The following EPHA3 variants were observed in gnomAD, a reference collection of about 807,000 sequenced individuals.
The protein encoded by EPHA3 is ephrin type-A receptor 3.
A neutral mutation model predicts 107.1 loss-of-function variants in EPHA3; 42 were observed. The ratio of observed to expected loss-of-function variants is 0.39; its 90% CI spans 0.31 to 0.51. The LOEUF is 0.51. Among genes scored for constraint, EPHA3 ranks in the 20% least tolerant of loss-of-function variants. The probability of loss-of-function intolerance (pLI) is 0.78; values close to 1 mark genes in which losing one functional copy is unlikely to be tolerated. For missense variants in EPHA3, 1,183 were observed against 1,211.2 expected, an observed-to-expected ratio of 0.98 and a Z score of 0.35; for synonymous variants, 461 against 424.8, an observed-to-expected ratio of 1.09 and a Z score of -1.05.
At chr3:89,153,488 C>G (rs1704731379) in intron 2 of EPHA3, among the ~76,000 whole-genome samples, 1 of 152,038 alleles carries the variant, frequency 6.6e-6, no homozygotes, top group South Asian at 2.1e-4. Context: ...TCTTCCTCAT[C>G]CATGGCCACT....
chr3:89,195,800 C>T (rs1235418265), intron 2 of EPHA3, among the ~76,000 whole-genome samples: 2 of 152,222 alleles, frequency 1.3e-5, no homozygotes, highest in East Asian at 3.9e-4. Flanking sequence ...TCTAGCCCAT[C>T]CTAAACACTC....
rs2107554905 is a variant in EPHA3, at chr3:89,450,210, C to G, written c.2530C>G (p.Pro844Ala). The G allele has an allele frequency of 6.2e-7, 1 of 1,608,386 alleles. No homozygotes were observed. Among genetic ancestry groups the G allele is most frequent in the Non-Finnish European group, 8.5e-7 (1 of 1,177,368 alleles). ...AGCTGTAGATGAGGGCTATCGACTG[C>G]CACCCCCCATGGACTGCCCAGCTGC... ...IKAVDEGYRL[P>A]PPMDCPAALY... is the part of the protein sequence containing the mutation. Residue 844 changes from proline (P) to alanine (A), a missense_variant, in exon 15 of 17, where the codon CCA becomes GCA. By Grantham distance (27) the Pro-to-Ala change is conservative. Coordinates refer to ENST00000336596, the MANE Select transcript of EPHA3 (RefSeq NM_005233.6).
chr3:89,233,142 T>C (rs1182276636), intron 3 of EPHA3, among the ~76,000 whole-genome samples: 2 of 152,140 alleles, frequency 1.3e-5, no homozygotes, highest in African/African-American at 4.8e-5. Flanking sequence ...GGAGAATAGC[T>C]TTTTGTCCAG....
intron 2 of EPHA3, among the ~76,000 whole-genome samples, chr3:89,157,494 A>G (rs1704832634): frequency 6.6e-6 from 1 of 151,988 alleles, no homozygotes; most frequent in South Asian, 2.1e-4. Flanking sequence ...AGGAGCATAG[A>G]ATATCATATT....
chr3:89,422,135 C>A (rs1231406378), intron 11 of EPHA3, among the ~76,000 whole-genome samples: 3 of 150,482 alleles, frequency 2.0e-5, no homozygotes, highest in African/African-American at 7.3e-5. Flanking sequence ...GTCTGGCACC[C>A]GGTAACATCT....
chr3:89,446,826 C>T (rs905838201), intron 13 of EPHA3, among the ~76,000 whole-genome samples: 6 of 151,804 alleles, frequency 4.0e-5, no homozygotes, highest in African/African-American at 7.2e-5. Flanking sequence ...TATACTTATA[C>T]GCTTTCAGTA....
intron 9 of EPHA3, among the ~76,000 whole-genome samples, chr3:89,408,661 C>T (rs1001249297): frequency 1.3e-5 from 2 of 152,010 alleles, no homozygotes; most frequent in Non-Finnish European, 2.9e-5. Context: ...TTAATTTACC[C>T]TTTTAATTTT....
intron 3 of EPHA3, among the ~76,000 whole-genome samples, chr3:89,240,994 T>C (rs1253323637): frequency 2.0e-5 from 3 of 152,132 alleles, no homozygotes; most frequent in African/African-American, 7.2e-5. Flanking sequence ...TTTTACTTTA[T>C]AAACGTATAA....
chr3:89,448,874 T>A (rs1454689936), intron 13 of EPHA3, among the ~76,000 whole-genome samples: 1 of 152,126 alleles, frequency 6.6e-6, no homozygotes, highest in African/African-American at 2.4e-5. Flanking sequence ...TGATTTGTGA[T>A]ACCTCTTTTA....
intron 5 of EPHA3, among the ~76,000 whole-genome samples, chr3:89,351,865 A>G (rs1424201715): frequency 6.7e-6 from 1 of 150,266 alleles, no homozygotes; most frequent in Non-Finnish European, 1.5e-5. Flanking sequence ...ATATACTGAT[A>G]TAATATAGTT....
intron 2 of EPHA3, among the ~76,000 whole-genome samples, chr3:89,139,272 AG>A: frequency 6.6e-6 from 1 of 151,884 alleles, no homozygotes; most frequent in Admixed American, 6.6e-5. Flanking sequence ...ATGGAATCCC[AG>A]GAAAACTGAT....
intron 7 of EPHA3, among the ~76,000 whole-genome samples, chr3:89,402,893 G>A (rs1708993449): frequency 6.6e-6 from 1 of 152,028 alleles, no homozygotes; most frequent in South Asian, 2.1e-4. Context: ...GGCCAGGCTG[G>A]TCTTGAACTC....
chr3:89,468,537 A>T (rs375545142), intron 15 of EPHA3, among the ~76,000 whole-genome samples: 6 of 152,190 alleles, frequency 3.9e-5, no homozygotes, highest in African/African-American at 9.7e-5. Context: ...TAAATAAAAA[A>T]GTATTACTAT....
chr3:89,222,739 C>A (rs2107209637), intron 3 of EPHA3, among the ~76,000 whole-genome samples: 1 of 152,058 alleles, frequency 6.6e-6, no homozygotes, highest in East Asian at 1.9e-4. Flanking sequence ...TCCTACATTT[C>A]TTTTACTGCT....
intron 2 of EPHA3, among the ~76,000 whole-genome samples, chr3:89,173,100 T>C (rs1024321612): frequency 6.6e-5 from 10 of 152,154 alleles, no homozygotes; most frequent in African/African-American, 2.4e-4. Context: ...TATAAATGTA[T>C]CCACCAAAAA....
At position 89,479,562 on chromosome 3, in the gene EPHA3, C is replaced by A; in HGVS notation, c.*60C>A. On this transcript the variant is annotated 3_prime_UTR_variant, in exon 17 of 17. Coordinates refer to ENST00000336596, the MANE Select transcript of EPHA3 (RefSeq NM_005233.6). ...TGGCTGTGGAAGGCGTAGCATCATC[C>A]TGCAGACAGACAATAATTCTGGAGA... 1 of 1,292,956 alleles carries A rather than the reference C, an allele frequency of 7.7e-7. No homozygotes were observed. The allele number at this position is 1,292,956 out of a possible 1,614,324, so 80.1% of individuals were successfully genotyped here. A position where few individuals can be genotyped will look rare whatever the true frequency, so the allele number is the denominator to read the frequency against.
chr3:89,288,979 T>A (rs1183366141), intron 3 of EPHA3, among the ~76,000 whole-genome samples: 1 of 152,162 alleles, frequency 6.6e-6, no homozygotes, highest in East Asian at 1.9e-4. Flanking sequence ...ACTTTGACAA[T>A]TACCATCGTA....
chr3:89,288,489 A>G (rs1706140993), intron 3 of EPHA3, among the ~76,000 whole-genome samples: 1 of 152,138 alleles, frequency 6.6e-6, no homozygotes, highest in African/African-American at 2.4e-5. Flanking sequence ...CAAGCACAGC[A>G]ACCATTAAGT....
intron 15 of EPHA3, among the ~76,000 whole-genome samples, chr3:89,457,027 T>G (rs775778091): frequency 6.6e-6 from 1 of 152,064 alleles, no homozygotes; most frequent in Non-Finnish European, 1.5e-5. Context: ...ATAAAAGGAG[T>G]TCGGGAATCC....
Sources: gnomAD v4.1 joint callset for allele counts (sites outside exome capture counted in the v4.1 genomes callset) on GRCh38, gnomAD v4.1.1 for gene constraint, MANE v1.5 for transcripts, NCBI Gene and HGNC (gene_info 2026-07-23, HGNC 2026-07-21) for gene names.